Variants in MYBL2 observed in about 807,000 individuals in gnomAD.
MYBL2 encodes MYB proto-oncogene like 2.
Under a neutral mutation model 79.9 loss-of-function variants are expected in MYBL2, and 28 were observed. That is an observed-to-expected ratio of 0.35 (90% CI 0.26 to 0.48). The LOEUF (loss-of-function observed/expected upper bound fraction) is 0.48, where lower values mean the gene tolerates loss of function less well. Among genes scored for constraint, MYBL2 ranks in the 20% least tolerant of loss-of-function variants. The pLI, the probability that MYBL2 is intolerant of heterozygous loss-of-function variation, is 0.99. For missense variants in MYBL2, 735 were observed against 893.9 expected (o/e 0.82, Z 2.27); for synonymous variants, 378 against 361.2 (o/e 1.05, Z -0.53).
At chr20:43,707,311 A>G (rs982288374) in intron 9 of MYBL2, among the ~76,000 whole-genome samples, 2 of 152,116 alleles carry the variant, frequency 1.3e-5, no homozygotes, top group Non-Finnish European at 2.9e-5. Context: ...CTTCGCATCT[A>G]AGCCCTTAAA....
intron 5 of MYBL2, among the ~76,000 whole-genome samples, chr20:43,687,313 G>A (rs1050571856): frequency 3.9e-5 from 6 of 152,146 alleles, no homozygotes; most frequent in Non-Finnish European, 5.9e-5. Flanking sequence ...GCAAGAAATC[G>A]GGAACCCTGG....
chr20:43,702,796 C>G lies in MYBL2; in HGVS notation c.1258C>G (p.Leu420Val), dbSNP rs760577536. The G allele has an allele frequency of 6.2e-7, 1 of 1,614,218 alleles. No homozygotes were observed. Among genetic ancestry groups the G allele is most frequent in the East Asian group, 2.2e-5 (1 of 44,878 alleles). ...LKRQRKRRVA[L>V]SPVTENSTSL... Reference sequence around the variant, plus strand: ...GCGGCAGAGGAAGAGGCGTGTGGCTCTGTCCCCTGTCACTGAGAATAGCAC... The same window carrying G: ...GCGGCAGAGGAAGAGGCGTGTGGCTGTGTCCCCTGTCACTGAGAATAGCAC... The change falls in exon 8 of 14, where the codon CTG becomes GTG. Residue 420 changes from leucine (L) to valine (V), a missense_variant. Transcript: ENST00000217026.
In MYBL2 at chr20:43,673,908, C is replaced by T; in HGVS notation, c.114+9C>T. 6.4e-7 allele frequency: 1 copy of T among 1,551,162 alleles called. No homozygotes were observed. The highest frequency in any genetic ancestry group is 1.4e-5 in the African/African-American group (1 of 73,102). ...AATGGACCCATGAGGAGGTGAGTGC[C>T]ATGGGGAAGAGAGGGTTGATGGCAG... On this transcript the variant is annotated intron_variant, in intron 2 of 13. Coordinates refer to ENST00000217026, the MANE Select transcript of MYBL2 (RefSeq NM_002466.4).
chr20:43,716,204 C>T lies in MYBL2; in HGVS notation c.*117C>T. The T allele has an allele frequency of 2.0e-6, 3 of 1,510,950 alleles. No individual in the cohort carries two copies. In the East Asian group the frequency reaches 7.0e-5, roughly 35 times the overall value. The allele number at this position is 1,510,950 out of a possible 1,614,324, so 93.6% of individuals were successfully genotyped here. ...CCTGCAGGGAGCCTTCTGCCACCAG[C>T]CCCTCCCCAGACTCTCAGGTGGAGG... On this transcript the variant is annotated 3_prime_UTR_variant, in exon 14 of 14. Coordinates refer to ENST00000217026, the MANE Select transcript of MYBL2 (RefSeq NM_002466.4).
chr20:43,715,319 G>A lies in MYBL2; in HGVS notation c.1974+36G>A, dbSNP rs769699629. 5.6e-6 allele frequency: 9 copies of A among 1,610,486 alleles called. No individual in the cohort carries two copies. The Middle Eastern group carries it at 5.0e-4, about 89-fold the overall frequency. ...TGGCCATCTCTGGGGGTCCTGCAGTGCCCGCCTTCTTAGCTCAGGGCTGAG... is the reference window on the plus strand; with the variant it reads ...TGGCCATCTCTGGGGGTCCTGCAGTACCCGCCTTCTTAGCTCAGGGCTGAG... On this transcript the variant is annotated intron_variant, in intron 13 of 13. Transcript: ENST00000217026.
Position 43,702,790 on chromosome 20 carries a change from G to T in MYBL2, c.1252G>T (p.Val418Leu). ...GCTCAAGCGGCAGAGGAAGAGGCGT[G>T]TGGCTCTGTCCCCTGTCACTGAGAA... ...SVLKRQRKRRVALSPVTENST... is the reference protein window; with the variant it reads ...SVLKRQRKRRLALSPVTENST... Residue 418 changes from valine to leucine, a missense_variant, in exon 8 of 14, where the codon GTG (valine) becomes TTG (leucine). Physicochemically the swap from Val to Leu is conservative, Grantham distance 32 (BLOSUM62 1). Transcript: ENST00000217026. 6.2e-7 allele frequency: 1 copy of T among 1,614,234 alleles called. No individual in the cohort carries two copies. Among genetic ancestry groups the T allele is most frequent in the Non-Finnish European group, 8.5e-7 (1 of 1,180,048 alleles).
chr20:43,715,005 G>A, intron 12 of MYBL2, 129 bp from the exon 13 acceptor site: 1 of 1,094,088 alleles, frequency 9.1e-7, no homozygotes, highest in Non-Finnish European at 1.3e-6. Context: ...ACTGAGGCTT[G>A]GAAAAGTGTG....
At chr20:43,700,569 C>T (rs543802625) in intron 7 of MYBL2, among the ~76,000 whole-genome samples, 49 of 152,094 alleles carry the variant, frequency 3.2e-4, no homozygotes, top group African/African-American at 1.1e-3. Flanking sequence ...TGTGACACCC[C>T]GGCTCCTGGC....
intron 2 of MYBL2, among the ~76,000 whole-genome samples, chr20:43,678,331 GA>G (rs11470203): frequency 0.016 from 2,337 of 142,844 alleles, 51 homozygotes; most frequent in African/African-American, 0.057. Flanking sequence ...AAGAAAGAAA[GA>G]AAAAAAAAAA....
chr20:43,670,663 A>G (rs1986833135), intron 1 of MYBL2, among the ~76,000 whole-genome samples: 1 of 152,184 alleles, frequency 6.6e-6, no homozygotes, highest in African/African-American at 2.4e-5. Flanking sequence ...GGCCCGAGAC[A>G]GGAGGGTTTC....
At chr20:43,669,844 G>A (rs896060037) in intron 1 of MYBL2, among the ~76,000 whole-genome samples, 8 of 152,200 alleles carry the variant, frequency 5.3e-5, no homozygotes, top group African/African-American at 1.9e-4. Context: ...CAGCATTGGA[G>A]GCTGGGTGTG....
intron 3 of MYBL2, among the ~76,000 whole-genome samples, chr20:43,682,319 A>G (rs1395318605): frequency 6.6e-6 from 1 of 151,118 alleles, no homozygotes; most frequent in South Asian, 2.1e-4. Context: ...AGGCCCTCCC[A>G]CCCCTGACCC....
chr20:43,714,400 GT>G (rs1987981846), intron 12 of MYBL2, among the ~76,000 whole-genome samples: 1 of 152,142 alleles, frequency 6.6e-6, no homozygotes, highest in Admixed American at 6.5e-5. Flanking sequence ...ACGTTATTGA[GT>G]ATGTTATTAC....
At chr20:43,673,637 CAAT>C (rs1210100389) in intron 1 of MYBL2, 166 bp from the exon 2 acceptor site, 1 of 720,316 alleles carries the variant, frequency 1.4e-6, no homozygotes, top group East Asian at 2.7e-5. Context: ...GACCCTGTCT[CAAT>C]AAAAATAAGT....
chr20:43,685,444 G>A (rs1987250662), intron 4 of MYBL2, among the ~76,000 whole-genome samples: 1 of 151,876 alleles, frequency 6.6e-6, no homozygotes. Context: ...ACCTCCCAAA[G>A]TGCTTGGATT....
chr20:43,707,525 G>A (rs1987817166), intron 9 of MYBL2, among the ~76,000 whole-genome samples: 1 of 152,106 alleles, frequency 6.6e-6, no homozygotes. Context: ...TGGGCTTGCT[G>A]GTGATGAGTT....
At chr20:43,692,374 A>T in intron 6 of MYBL2, 55 bp downstream of exon 6, 2 of 1,601,032 alleles carry the variant, frequency 1.2e-6, no homozygotes, top group Non-Finnish European at 1.7e-6. Context: ...ATCTGACACC[A>T]TCTCATTGAA....
intron 6 of MYBL2, 48 bp from the exon 7 acceptor site, chr20:43,699,709 A>T: frequency 6.3e-7 from 1 of 1,589,966 alleles, no homozygotes; most frequent in Non-Finnish European, 8.6e-7. Context: ...ACTACTATAT[A>T]GTCTATATCT....
In MYBL2 at chr20:43,713,038, C is replaced by T. The variant is rs1463710313; in HGVS notation, c.1756C>T (p.Leu586=). 1 of 1,613,290 alleles carries T rather than the reference C, an allele frequency of 6.2e-7. No individual in the cohort carries two copies. Among genetic ancestry groups the T allele is most frequent in the South Asian group, 1.1e-5 (1 of 90,704 alleles). ...CCCCATCAAGAAAGTCCGGAAGTCT[C>T]TGGCTCTTGACATTGTGGATGAGGA... is the stretch of plus-strand genomic sequence containing the variant. ...RSPIKKVRKS[L]ALDIVDEDVK... Residue 586 remains leucine (L), a synonymous_variant, in exon 12 of 14, where the codon CTG becomes TTG. Transcript: ENST00000217026.
Sources: allele counts gnomAD v4.1 joint callset (sites outside exome capture counted in the v4.1 genomes callset), GRCh38; gene constraint gnomAD v4.1.1; transcripts MANE v1.5; gene names NCBI Gene and HGNC (gene_info 2026-07-23, HGNC 2026-07-21).